Variants in TCEA3 observed in about 807,000 individuals in gnomAD.
TCEA3 encodes the protein transcription elongation factor A3, also known as transcription elongation factor A protein 3.
Under a neutral mutation model 44.0 loss-of-function variants are expected in TCEA3, and 36 were observed. That is an observed-to-expected ratio of 0.82 (90% CI 0.63 to 1.08). The LOEUF is 1.08. Among genes scored for constraint, TCEA3 ranks in the 50% least tolerant of loss-of-function variants. The pLI is 0.00. For synonymous variants in TCEA3, 162 were observed against 159.7 expected, an observed-to-expected ratio of 1.01 and a Z score of -0.11; for missense variants, 392 against 441.2, an observed-to-expected ratio of 0.89 and a Z score of 1.00.
At chr1:23,399,669 C>CTTT (rs1216114957) in intron 5 of TCEA3, among the ~76,000 whole-genome samples, 1 of 139,176 alleles carries the variant, frequency 7.2e-6, no homozygotes, top group Non-Finnish European at 1.6e-5. Flanking sequence ...TGTGAGAAAC[C>CTTT]TTTTTTTTTT....
At chr1:23,389,348 G>A (rs1374054519) in intron 8 of TCEA3, among the ~76,000 whole-genome samples, 1 of 152,096 alleles carries the variant, frequency 6.6e-6, no homozygotes, top group Admixed American at 6.5e-5. Context: ...AATTAGCTGG[G>A]TGTGGTGGCG....
intron 5 of TCEA3, 112 bp from the exon 6 acceptor site, chr1:23,398,067 A>C: frequency 3.0e-6 from 4 of 1,319,424 alleles, no homozygotes; most frequent in Non-Finnish European, 4.2e-6. Context: ...TAACAACCTC[A>C]TGAGGTAGGT....
intron 1 of TCEA3, among the ~76,000 whole-genome samples, chr1:23,420,157 G>A (rs947174221): frequency 5.9e-5 from 9 of 152,208 alleles, no homozygotes; most frequent in South Asian, 2.1e-4. Flanking sequence ...TCGGCATAAT[G>A]ATTTTGGAGA....
chr1:23,385,007 T>C (rs1337606383), intron 9 of TCEA3, among the ~76,000 whole-genome samples: 1 of 152,178 alleles, frequency 6.6e-6, no homozygotes, highest in Admixed American at 6.5e-5. Context: ...CTAGTTCATC[T>C]TCCTTATTTT....
In TCEA3 at chr1:23,408,741, T is replaced by C. The variant is rs971411375; in HGVS notation, c.381-15A>G. The C allele has an allele frequency of 4.4e-6, 7 of 1,597,746 alleles. No homozygotes were observed. Among genetic ancestry groups the C allele is most frequent in the Non-Finnish European group, 6.0e-6 (7 of 1,171,706 alleles). On this transcript the variant is annotated splice_polypyrimidine_tract_variant and intron_variant, in intron 4 of 10. Transcript: ENST00000450454. ...CAGAGTCTCTCCTGAAAGAAGAAAA[T>C]TGGCAAGGAGACTGCTTTGTAGACT...
intron 10 of TCEA3, among the ~76,000 whole-genome samples, chr1:23,382,724 A>T (rs1384382839): frequency 3.9e-5 from 6 of 152,190 alleles, no homozygotes; most frequent in African/African-American, 1.4e-4. Context: ...GCTAGATATG[A>T]ATACCCTCAT....
intron 1 of TCEA3, chr1:23,423,922 C>G (rs1482669628): frequency 4.4e-6 from 2 of 453,244 alleles, no homozygotes; most frequent in Non-Finnish European, 8.9e-6. Context: ...AGCCCGGCCC[C>G]CTTCCCCCGC....
Position 23,417,373 on chromosome 1 carries a change from T to C in TCEA3, c.256A>G (p.Lys86Glu), listed in dbSNP as rs1202603897. 1 of 1,613,914 alleles carries C rather than the reference T, an allele frequency of 6.2e-7. No homozygotes were observed. ...TCTCTTTCCTCTCCTTTTTCTCCTTTTGGGGGTCCAGGGGAGTCTGAAAAC... is the reference window on the plus strand; with the variant it reads ...TCTCTTTCCTCTCCTTTTTCTCCTTCTGGGGGTCCAGGGGAGTCTGAAAAC... ...KRLLDSPGPP[K>E]GEKGEEREKA... The change falls in exon 4 of 11, where the codon AAA (lysine) becomes GAA (glutamate). Residue 86 changes from lysine (K) to glutamate (E), a missense_variant. By Grantham distance (56) the Lys-to-Glu change is moderately conservative (BLOSUM62 1). Coordinates refer to ENST00000450454, the MANE Select transcript of TCEA3 (RefSeq NM_003196.3).
chr1:23,392,670 C>T (rs372737428), intron 8 of TCEA3, among the ~76,000 whole-genome samples: 1 of 139,448 alleles, frequency 7.2e-6, no homozygotes, highest in Admixed American at 7.2e-5. Flanking sequence ...ACACACCACA[C>T]ACACTCCACA....
intron 1 of TCEA3, 105 bp from the exon 2 acceptor site, chr1:23,419,244 T>C (rs2148585187): frequency 2.5e-6 from 2 of 799,748 alleles, no homozygotes; most frequent in East Asian, 2.9e-5. Context: ...GACAGACATG[T>C]GGCCGAAGGA....
At chr1:23,397,448 C>A in intron 7 of TCEA3, 97 bp downstream of exon 7, 1 of 1,140,376 alleles carries the variant, frequency 8.8e-7, no homozygotes, top group Middle Eastern at 2.8e-4. Context: ...TCCCGGAGCC[C>A]TTCCTCTCCT....
At chr1:23,394,912 G>A (rs750907319) in intron 7 of TCEA3, among the ~76,000 whole-genome samples, 1 of 152,208 alleles carries the variant, frequency 6.6e-6, no homozygotes, top group Non-Finnish European at 1.5e-5. Flanking sequence ...ATCCTAGGCA[G>A]GCTTCCGAGC....
chr1:23,394,906 T>G (rs181703611), intron 7 of TCEA3, among the ~76,000 whole-genome samples: 1 of 152,280 alleles, frequency 6.6e-6, no homozygotes, highest in East Asian at 1.9e-4. Flanking sequence ...CACTGCATCC[T>G]AGGCAGGCTT....
chr1:23,392,814 T>C, intron 8 of TCEA3, among the ~76,000 whole-genome samples: 1 of 152,034 alleles, frequency 6.6e-6, no homozygotes, highest in South Asian at 2.1e-4. Flanking sequence ...ACACATCATA[T>C]ATACCAGTGG....
chr1:23,384,203 A>G (rs1392982209), intron 10 of TCEA3, 143 bp downstream of exon 10: 6 of 1,515,028 alleles, frequency 4.0e-6, no homozygotes, highest in Non-Finnish European at 5.3e-6. Context: ...ATCCGCCACT[A>G]TCTCTGGCTC....
chr1:23,409,965 T>G (rs1404131527), intron 4 of TCEA3, among the ~76,000 whole-genome samples: 1 of 152,066 alleles, frequency 6.6e-6, no homozygotes, highest in East Asian at 2.0e-4. Flanking sequence ...CTCAGCCCAG[T>G]TTCCCTTGGG....
chr1:23,419,385 GCTGTGCC>G, intron 1 of TCEA3: 1 of 359,066 alleles, frequency 2.8e-6, no homozygotes, highest in Non-Finnish European at 5.0e-6. Flanking sequence ...CTTTGGTTCT[GCTGTGCC>G]TCTCCCCAGG....
intron 8 of TCEA3, among the ~76,000 whole-genome samples, chr1:23,390,642 G>C (rs1638995942): frequency 6.6e-6 from 1 of 152,074 alleles, no homozygotes; most frequent in Non-Finnish European, 1.5e-5. Context: ...AAGAAATAGA[G>C]AACAGAAAAA....
At chr1:23,409,192 G>C (rs536657074) in intron 4 of TCEA3, among the ~76,000 whole-genome samples, 1 of 152,240 alleles carries the variant, frequency 6.6e-6, no homozygotes, top group South Asian at 2.1e-4. Context: ...GGGCCTTGGG[G>C]ATAGAAGAGC....
Sources: gnomAD v4.1 joint callset for allele counts (sites outside exome capture counted in the v4.1 genomes callset) on GRCh38, gnomAD v4.1.1 for gene constraint, MANE v1.5 for transcripts, NCBI Gene and HGNC (gene_info 2026-07-23, HGNC 2026-07-21) for gene names.